Variants in UNC5C observed in about 807,000 individuals in gnomAD.
The protein encoded by UNC5C is unc-5 netrin receptor C.
Under a neutral mutation model 99.8 loss-of-function variants are expected in UNC5C, and 47 were observed. The observed-to-expected ratio is 0.47, with a 90% confidence interval of 0.37 to 0.60. The LOEUF (loss-of-function observed/expected upper bound fraction) is 0.60. Ranked by LOEUF, UNC5C falls within the 20% of genes least tolerant of loss-of-function variation. The probability of loss-of-function intolerance (pLI) is 0.00; values close to 1 mark genes in which losing one functional copy is unlikely to be tolerated. For missense variants in UNC5C, 1,062 were observed against 1,165.9 expected (o/e 0.91, Z 1.30); for synonymous variants, 487 against 452.2 (o/e 1.08, Z -0.98).
Position 95,266,429 on chromosome 4 carries a change from C to T in UNC5C, c.594+11830G>A, listed in dbSNP as rs138924767. On this transcript the variant is annotated intron_variant, in intron 4 of 15. Transcript: ENST00000453304. Reference sequence around the variant, plus strand: ...TTTTATTAACGAATATGAATGATTCCTAATTTGATTACAATTTTTAGGACT... The same window carrying T: ...TTTTATTAACGAATATGAATGATTCTTAATTTGATTACAATTTTTAGGACT... Among the ~76,000 whole-genome samples, 1,311 of 152,226 alleles carry T rather than the reference C, an allele frequency of 8.6e-3. 29 individuals are homozygous for T. Among genetic ancestry groups the T allele is most frequent in the South Asian group, 0.07 (338 of 4,826 alleles).
intron 4 of UNC5C, among the ~76,000 whole-genome samples, chr4:95,251,127 T>C (rs1739707030): frequency 6.6e-6 from 1 of 152,214 alleles, no homozygotes; most frequent in Non-Finnish European, 1.5e-5. Flanking sequence ...AAAGACTATT[T>C]TTAAAAGCAC....
intron 12 of UNC5C, among the ~76,000 whole-genome samples, chr4:95,189,652 C>G (rs781533306): frequency 2.6e-5 from 4 of 151,644 alleles, no homozygotes; most frequent in Admixed American, 6.6e-5. Context: ...GAGAAAGAAA[C>G]AAACAACCCC....
intron 1 of UNC5C, among the ~76,000 whole-genome samples, chr4:95,483,430 T>G (rs1721229303): frequency 6.6e-6 from 1 of 151,862 alleles, no homozygotes; most frequent in South Asian, 2.1e-4. Context: ...TATTTTCATC[T>G]GCTTTTCATG....
At chr4:95,330,601 A>G (rs1294568195) in intron 2 of UNC5C, among the ~76,000 whole-genome samples, 4 of 151,990 alleles carry the variant, frequency 2.6e-5, no homozygotes, top group Non-Finnish European at 5.9e-5. Flanking sequence ...TATTTTCTCT[A>G]TTCTCTTCAT....
intron 1 of UNC5C, among the ~76,000 whole-genome samples, chr4:95,449,026 C>A (rs1458498969): frequency 9.9e-5 from 15 of 152,082 alleles, no homozygotes; most frequent in Admixed American, 7.9e-4. Flanking sequence ...ACTCCCCACA[C>A]ATCCCCACAT....
intron 1 of UNC5C, among the ~76,000 whole-genome samples, chr4:95,401,820 T>TTTATTCAC (rs1339518472): frequency 6.6e-6 from 1 of 152,138 alleles, no homozygotes; most frequent in Non-Finnish European, 1.5e-5. Context: ...GGGACAATAT[T>TTTATTCAC]TTATTCACCT....
intron 1 of UNC5C, among the ~76,000 whole-genome samples, chr4:95,336,311 G>A (rs17369242): frequency 0.087 from 13,159 of 151,784 alleles, 772 homozygotes; most frequent in Non-Finnish European, 0.13. Context: ...CAAAAGTCAA[G>A]GTAAAAACAG....
At chr4:95,514,026 G>T (rs545724034) in intron 1 of UNC5C, among the ~76,000 whole-genome samples, 4 of 151,986 alleles carry the variant, frequency 2.6e-5, no homozygotes, top group Non-Finnish European at 5.9e-5. Context: ...TATCAAATTC[G>T]CTAAATTAGC....
At chr4:95,533,250 T>G (rs1722697843) in intron 1 of UNC5C, among the ~76,000 whole-genome samples, 1 of 151,824 alleles carries the variant, frequency 6.6e-6, no homozygotes, top group South Asian at 2.1e-4. Context: ...ACAAAAAAAA[T>G]TAGCTGGGCA....
intron 1 of UNC5C, among the ~76,000 whole-genome samples, chr4:95,428,579 G>A (rs1358307287): frequency 6.6e-6 from 1 of 152,088 alleles, no homozygotes; most frequent in Non-Finnish European, 1.5e-5. Flanking sequence ...CCCATAAACA[G>A]TTAGTTTCAC....
chr4:95,383,121 A>G (rs1745117407), intron 1 of UNC5C, among the ~76,000 whole-genome samples: 1 of 152,242 alleles, frequency 6.6e-6, no homozygotes, highest in Non-Finnish European at 1.5e-5. Context: ...GTTTAATCCA[A>G]TATCAAAACT....
chr4:95,407,023 A>G (rs998765651), intron 1 of UNC5C, among the ~76,000 whole-genome samples: 2 of 152,212 alleles, frequency 1.3e-5, no homozygotes, highest in African/African-American at 2.4e-5. Context: ...TTATACAAAA[A>G]TGATTGTACT....
At chr4:95,179,562 C>T (rs995475781) in intron 14 of UNC5C, among the ~76,000 whole-genome samples, 2 of 152,028 alleles carry the variant, frequency 1.3e-5, no homozygotes, top group East Asian at 1.9e-4. Context: ...GCCTAGCCAA[C>T]GTGGTGAAAC....
chr4:95,305,643 C>T (rs1173398982), intron 2 of UNC5C, among the ~76,000 whole-genome samples: 3 of 152,168 alleles, frequency 2.0e-5, no homozygotes, highest in Non-Finnish European at 4.4e-5. Flanking sequence ...CATCATGCTG[C>T]TTCCTTTAAT....
chr4:95,374,419 C>T (rs1307240899), intron 1 of UNC5C, among the ~76,000 whole-genome samples: 1 of 152,104 alleles, frequency 6.6e-6, no homozygotes, highest in African/African-American at 2.4e-5. Flanking sequence ...TTGCCATAAG[C>T]AGCCCTGCAT....
Position 95,250,737 on chromosome 4 carries a change from C to A in UNC5C, c.595-70G>T, listed in dbSNP as rs1739673219. ...CCTGATGGCTGTCTGTCCTAACCTG[C>A]ATTTTGTACACTTGATCTTAGCCAA... On this transcript the variant is annotated intron_variant, in intron 4 of 15. Coordinates refer to ENST00000453304, the MANE Select transcript of UNC5C (RefSeq NM_003728.4). The A allele has an allele frequency of 1.1e-5, 16 of 1,456,456 alleles. No individual in the cohort carries two copies. In the South Asian group the frequency reaches 1.9e-4, roughly 17 times the overall value. The allele number at this position is 1,456,456 out of a possible 1,614,324, so 90.2% of individuals were successfully genotyped here. A position where few individuals can be genotyped will look rare whatever the true frequency, so the allele number is the denominator to read the frequency against.
chr4:95,184,905 C>A, intron 13 of UNC5C, 142 bp downstream of exon 13: 5 of 958,574 alleles, frequency 5.2e-6, no homozygotes, highest in Non-Finnish European at 7.1e-6. Context: ...TCTCAAAAAT[C>A]CTAAATAACC....
intron 7 of UNC5C, among the ~76,000 whole-genome samples, chr4:95,235,703 G>A (rs551888815): frequency 2.0e-5 from 3 of 152,238 alleles, no homozygotes; most frequent in African/African-American, 7.2e-5. Flanking sequence ...TCTACATATG[G>A]CTAGCCAGTT....
At chr4:95,280,495 C>T (rs1023166343) in intron 3 of UNC5C, among the ~76,000 whole-genome samples, 9 of 152,124 alleles carry the variant, frequency 5.9e-5, no homozygotes, top group African/African-American at 2.2e-4. Context: ...TTGAGACCAG[C>T]CTGGCCAACA....
Sources: allele counts gnomAD v4.1 joint callset (sites outside exome capture counted in the v4.1 genomes callset), GRCh38; gene constraint gnomAD v4.1.1; transcripts MANE v1.5; gene names NCBI Gene and HGNC (gene_info 2026-07-23, HGNC 2026-07-21).